The following FGF14 variants were observed in gnomAD, a reference collection of about 807,000 sequenced individuals.
FGF14 encodes fibroblast growth factor 14.
FGF14 carries 5 observed loss-of-function variants against 25.5 expected under a neutral mutation model. The observed-to-expected ratio is 0.20, with a 90% CI of 0.10 to 0.41. FGF14 has a LOEUF of 0.41. Ranked by LOEUF, FGF14 falls within the 10% of genes least tolerant of loss-of-function variation. The pLI is 1.00. For synonymous variants in FGF14, 138 were observed against 118.3 expected (o/e 1.17, Z -1.08); for missense variants, 222 against 320.1 (o/e 0.69, Z 2.34).
chr13:101,839,162 A>G (rs2043078562), intron 3 of FGF14, among the ~76,000 whole-genome samples: 1 of 152,050 alleles, frequency 6.6e-6, no homozygotes, highest in Admixed American at 6.6e-5. Flanking sequence ...TTTAACACCC[A>G]TTTCACCGCA....
At chr13:101,985,095 G>C (rs1476968178) in intron 1 of FGF14, among the ~76,000 whole-genome samples, 1 of 90,580 alleles carries the variant, frequency 1.1e-5, no homozygotes, top group Non-Finnish European at 2.3e-5. Flanking sequence ...TTTTTTTTTT[G>C]CCACAACAGC....
chr13:102,320,299 A>C (rs2056197228), intron 1 of FGF14, among the ~76,000 whole-genome samples: 1 of 151,716 alleles, frequency 6.6e-6, no homozygotes, highest in Non-Finnish European at 1.5e-5. Flanking sequence ...GAGACTTCAC[A>C]AGTCAACAAA....
At chr13:102,344,519 A>G (rs1394193538) in intron 1 of FGF14, among the ~76,000 whole-genome samples, 2 of 152,242 alleles carry the variant, frequency 1.3e-5, no homozygotes, top group Non-Finnish European at 2.9e-5. Context: ...AATGTAGTCC[A>G]AGAGTATTAT....
intron 1 of FGF14, among the ~76,000 whole-genome samples, chr13:101,979,158 A>G (rs550368045): frequency 1.5e-3 from 225 of 152,354 alleles, no homozygotes; most frequent in African/African-American, 5.0e-3. Flanking sequence ...CACAGCCTTC[A>G]GCAAGATGCT....
Position 102,260,116 on chromosome 13 carries a change from A to C in FGF14, c.208+141355T>G, listed in dbSNP as rs546806768. On this transcript the variant is annotated intron_variant, in intron 1 of 4. Transcript: ENST00000376131. ...GAACAAGAAAAAGAGAAGGGGGAGGAAGAGGAAGAGAGAAGAAAAAAAGAA... is the reference window on the plus strand; with the variant it reads ...GAACAAGAAAAAGAGAAGGGGGAGGCAGAGGAAGAGAGAAGAAAAAAAGAA... Among the ~76,000 whole-genome samples the C allele has an allele frequency of 9.2e-5, 14 of 152,140 alleles. No individual in the cohort carries two copies. In the East Asian group the frequency reaches 1.9e-3, roughly 21 times the overall value.
At chr13:102,114,145 T>G (rs477810) in intron 1 of FGF14, among the ~76,000 whole-genome samples, 4,102 of 152,304 alleles carry the variant, frequency 0.027, 178 homozygotes, top group African/African-American at 0.093. Context: ...GAGTGTCTTG[T>G]TTGCATTTCT....
intron 3 of FGF14, among the ~76,000 whole-genome samples, chr13:101,823,070 T>C (rs1412352402): frequency 6.6e-6 from 1 of 152,242 alleles, no homozygotes; most frequent in African/African-American, 2.4e-5. Flanking sequence ...GATATTCCAT[T>C]GTATGAATAT....
upstream of FGF14, among the ~76,000 whole-genome samples, chr13:101,919,255 T>G (rs2033815888): frequency 6.6e-6 from 1 of 152,070 alleles, no homozygotes; most frequent in Non-Finnish European, 1.5e-5. Context: ...AGTTCTAGAT[T>G]TGAATTTGCA....
At chr13:102,314,307 G>A (rs996737046) in intron 1 of FGF14, among the ~76,000 whole-genome samples, 1 of 152,186 alleles carries the variant, frequency 6.6e-6, no homozygotes, top group Middle Eastern at 3.4e-3. Context: ...TCTCTCCACC[G>A]ATGGCCCCAA....
At chr13:102,260,948 A>G (rs1008651436) in intron 1 of FGF14, among the ~76,000 whole-genome samples, 4 of 152,164 alleles carry the variant, frequency 2.6e-5, no homozygotes, top group East Asian at 1.9e-4. Flanking sequence ...TGTGCCCGCT[A>G]TTGTGACTGC....
chr13:102,351,354 G>A (rs1323260536), intron 1 of FGF14, among the ~76,000 whole-genome samples: 1 of 151,546 alleles, frequency 6.6e-6, no homozygotes, highest in Non-Finnish European at 1.5e-5. Flanking sequence ...CCTCGAACAT[G>A]TCTTCAAATT....
chr13:101,727,799 T>G (rs1232715322), intron 3 of FGF14, among the ~76,000 whole-genome samples: 1 of 152,026 alleles, frequency 6.6e-6, no homozygotes, highest in Non-Finnish European at 1.5e-5. Flanking sequence ...ACCTAGCTAG[T>G]TTTAAATAGG....
At chr13:102,342,071 T>A (rs1044919564) in intron 1 of FGF14, among the ~76,000 whole-genome samples, 3 of 152,172 alleles carry the variant, frequency 2.0e-5, no homozygotes, top group Non-Finnish European at 2.9e-5. Flanking sequence ...AGAAAATCAG[T>A]GTTTTCTGAT....
At chr13:102,076,152 T>G (rs2043353563) in intron 1 of FGF14, among the ~76,000 whole-genome samples, 1 of 152,182 alleles carries the variant, frequency 6.6e-6, no homozygotes. Context: ...TCTACAGTAG[T>G]ATGTCCTAGG....
At chr13:101,992,021 C>T (rs1410770462) in intron 1 of FGF14, among the ~76,000 whole-genome samples, 1 of 152,150 alleles carries the variant, frequency 6.6e-6, no homozygotes, top group Non-Finnish European at 1.5e-5. Flanking sequence ...ACAGCCTCCT[C>T]TATTCTTCTC....
rs1418921114 is a variant in FGF14 at position 102,394,101 on chromosome 13, C to T, written c.208+7370G>A. On this transcript the variant is annotated intron_variant, in intron 1 of 4. Coordinates refer to the FGF14 transcript ENST00000376131. ...AAGCCCAGAAAACTTCAGGACCCGCCCAGGGTCTCCCAGTAGCTAGTGTGT... is the reference window on the plus strand; with the variant it reads ...AAGCCCAGAAAACTTCAGGACCCGCTCAGGGTCTCCCAGTAGCTAGTGTGT... Among the ~76,000 whole-genome samples, 7 of 152,332 alleles carry T rather than the reference C, an allele frequency of 4.6e-5. 1 individual carries two copies.
At chr13:101,734,051 C>G (rs747656854) in intron 3 of FGF14, among the ~76,000 whole-genome samples, 3 of 151,406 alleles carry the variant, frequency 2.0e-5, no homozygotes, top group Non-Finnish European at 2.9e-5. Flanking sequence ...TGTGTGTGTG[C>G]ACGTACATTT....
intron 1 of FGF14, among the ~76,000 whole-genome samples, chr13:101,944,231 A>T (rs868492511): frequency 2.6e-5 from 4 of 152,298 alleles, no homozygotes; most frequent in Admixed American, 1.3e-4. Context: ...ATGGATAGGG[A>T]ATTTCTACTT....
At chr13:102,003,012 G>A (rs953797082) in intron 1 of FGF14, 1 of 152,158 alleles carries the variant, frequency 6.6e-6, no homozygotes, top group Non-Finnish European at 1.5e-5. Context: ...ACAGGCTTGG[G>A]AGTGGATATA....
Sources: gnomAD v4.1 joint callset for allele counts (sites outside exome capture counted in the v4.1 genomes callset) on GRCh38, gnomAD v4.1.1 for gene constraint, MANE v1.5 for transcripts, NCBI Gene and HGNC (gene_info 2026-07-23, HGNC 2026-07-21) for gene names.